Variants in QTMAN observed in about 807,000 individuals in gnomAD.
QTMAN encodes queuosine-tRNA mannosyltransferase, also known as tRNA-queuosine alpha-mannosyltransferase.
At chr2:143,945,645 T>G in the QTMAN span, 1 of 152,236 alleles carries the variant, frequency 6.6e-6, no homozygotes, top group African/African-American at 2.4e-5. Context: ...GCTAGGCCAC[T>G]CGATCCTTCC....
the QTMAN span, among the ~76,000 whole-genome samples, chr2:144,182,864 ATATATATATTATATATATATTTTATATAT>A: frequency 1.4e-5 from 1 of 72,988 alleles, no homozygotes; most frequent in African/African-American, 6.8e-5. Context: ...TATATATAAT[ATATATATATTATATATATATTTTATATAT>A]ATATATATTA....
At chr2:144,094,254 T>C in the QTMAN span, among the ~76,000 whole-genome samples, 257 of 152,312 alleles carry the variant, frequency 1.7e-3, 4 homozygotes, top group African/African-American at 5.9e-3. Flanking sequence ...AATCAAACAA[T>C]TAAACATTAC....
the QTMAN span, among the ~76,000 whole-genome samples, chr2:144,155,162 T>C: frequency 6.6e-6 from 1 of 152,112 alleles, no homozygotes; most frequent in African/African-American, 2.4e-5. Flanking sequence ...TTTCCTGGGG[T>C]CCCTAATAGT....
At chr2:143,970,733 A>G in the QTMAN span, 40 of 1,601,814 alleles carry the variant, frequency 2.5e-5, no homozygotes, top group Non-Finnish European at 3.4e-5. Flanking sequence ...TAATACCTTA[A>G]AAAAGCTTTC....
the QTMAN span, chr2:144,332,521 C>CCCGCGGCCGCCGCGGATG: frequency 2.7e-5 from 4 of 147,852 alleles, no homozygotes; most frequent in Admixed American, 6.7e-5. Flanking sequence ...GTGCCCCTCC[C>CCCGCGGCCGCCGCGGATG]CCGCGGCCGC....
At chr2:144,207,610 A>G in the QTMAN span, among the ~76,000 whole-genome samples, 1 of 152,164 alleles carries the variant, frequency 6.6e-6, no homozygotes, top group Admixed American at 6.5e-5. Context: ...ATAACACTTA[A>G]AGTTTTATAT....
the QTMAN span, among the ~76,000 whole-genome samples, chr2:144,086,316 A>C: frequency 6.6e-6 from 1 of 151,982 alleles, no homozygotes; most frequent in Non-Finnish European, 1.5e-5. Context: ...ATAATTTTTT[A>C]ATGTTTTATT....
the QTMAN span, among the ~76,000 whole-genome samples, chr2:144,305,042 G>A: frequency 6.6e-6 from 1 of 152,114 alleles, no homozygotes; most frequent in African/African-American, 2.4e-5. Context: ...CTTGCATGTT[G>A]TGTGTTGGTT....
At chr2:144,004,779 C>A in the QTMAN span, among the ~76,000 whole-genome samples, 1 of 152,008 alleles carries the variant, frequency 6.6e-6, no homozygotes, top group Non-Finnish European at 1.5e-5. Context: ...GTACTCCATG[C>A]AGGACCCAAC....
the QTMAN span, among the ~76,000 whole-genome samples, chr2:144,190,747 G>C: frequency 6.6e-6 from 1 of 152,152 alleles, no homozygotes; most frequent in Non-Finnish European, 1.5e-5. Context: ...AAAAATCTAA[G>C]TTACAAAGGA....
chr2:144,004,274 C>G, the QTMAN span, among the ~76,000 whole-genome samples: 1 of 151,944 alleles, frequency 6.6e-6, no homozygotes. Context: ...GAAACACAAC[C>G]CTGGTCATTT....
chr2:144,246,598 AAAAAGAAAAG>A, the QTMAN span, among the ~76,000 whole-genome samples: 2 of 148,978 alleles, frequency 1.3e-5, no homozygotes, highest in Non-Finnish European at 3.0e-5. Context: ...AAAAAAAAAA[AAAAAGAAAAG>A]AAAAGAAAAC....
At chr2:144,041,769 G>A in the QTMAN span, among the ~76,000 whole-genome samples, 2 of 152,182 alleles carry the variant, frequency 1.3e-5, no homozygotes, top group African/African-American at 4.8e-5. Flanking sequence ...AGAGGAACAG[G>A]AGCCAGTCCA....
At chr2:143,956,336 A>T in the QTMAN span, among the ~76,000 whole-genome samples, 6 of 152,092 alleles carry the variant, frequency 3.9e-5, no homozygotes, top group Non-Finnish European at 8.8e-5. Flanking sequence ...AATGGCTTTG[A>T]CTCAATGATG....
the QTMAN span, among the ~76,000 whole-genome samples, chr2:144,106,751 T>C: frequency 1.3e-5 from 2 of 152,104 alleles, no homozygotes; most frequent in African/African-American, 2.4e-5. Context: ...CTGCACCAAG[T>C]GGACCTAATA....
the QTMAN span, among the ~76,000 whole-genome samples, chr2:144,154,989 T>G: frequency 6.6e-6 from 1 of 152,282 alleles, no homozygotes; most frequent in Admixed American, 6.5e-5. Context: ...AACTTTCCAT[T>G]TATACAGAAG....
At chr2:144,217,987 G>A in the QTMAN span, among the ~76,000 whole-genome samples, 10 of 152,174 alleles carry the variant, frequency 6.6e-5, no homozygotes, top group Non-Finnish European at 1.3e-4. Flanking sequence ...TAAGTTCCAC[G>A]GAGACACTTG....
the QTMAN span, among the ~76,000 whole-genome samples, chr2:144,212,544 A>G: frequency 4.6e-5 from 7 of 152,280 alleles, no homozygotes; most frequent in Middle Eastern, 0.014. Context: ...AAGAAACAAC[A>G]AAAAACTTAG....
the QTMAN span, among the ~76,000 whole-genome samples, chr2:144,206,103 G>A: frequency 6.6e-6 from 1 of 152,170 alleles, no homozygotes; most frequent in South Asian, 2.1e-4. Context: ...TTTTCAGAGA[G>A]TAAGCTTATA....
Sources: allele counts gnomAD v4.1 joint callset (sites outside exome capture counted in the v4.1 genomes callset), GRCh38; gene constraint gnomAD v4.1.1; transcripts MANE v1.5; gene names NCBI Gene and HGNC (gene_info 2026-07-23, HGNC 2026-07-21).